KCNH1: variants seen among roughly 807,000 people sequenced by gnomAD.
KCNH1 encodes voltage-gated delayed rectifier potassium channel KCNH1.
In KCNH1, 27 loss-of-function variants were observed where a neutral mutation model predicts 69.2. The observed-to-expected ratio is 0.39, with a 90% CI of 0.29 to 0.54. The LOEUF is 0.54. KCNH1 is among the 20% of genes least tolerant of loss of function. The pLI is 0.68. For synonymous variants in KCNH1, 456 were observed against 487.7 expected, an observed-to-expected ratio of 0.93 and a Z score of 0.86; for missense variants, 798 against 1,261.6, an observed-to-expected ratio of 0.63 and a Z score of 5.57.
intron 6 of KCNH1, among the ~76,000 whole-genome samples, chr1:210,993,179 GATTA>G (rs1313387214): frequency 6.6e-6 from 1 of 152,138 alleles, no homozygotes; most frequent in Non-Finnish European, 1.5e-5. Flanking sequence ...AAGTTACTTT[GATTA>G]ATATGTAAAC....
chr1:210,812,590 C>T (rs1267799905), intron 7 of KCNH1, among the ~76,000 whole-genome samples: 2 of 152,152 alleles, frequency 1.3e-5, no homozygotes, highest in East Asian at 1.9e-4. Context: ...ATTCTTAATT[C>T]CCCATTAGTC....
At chr1:210,837,503 G>C (rs754906440) in intron 7 of KCNH1, among the ~76,000 whole-genome samples, 1 of 152,114 alleles carries the variant, frequency 6.6e-6, no homozygotes, top group Non-Finnish European at 1.5e-5. Flanking sequence ...GAAGATCCAT[G>C]ACAAAGAGAG....
chr1:210,744,273 A>G (rs1683098450), intron 10 of KCNH1, among the ~76,000 whole-genome samples: 1 of 152,178 alleles, frequency 6.6e-6, no homozygotes, highest in Non-Finnish European at 1.5e-5. Flanking sequence ...CCTCTGCAGC[A>G]TTGTAGAATT....
At chr1:210,701,086 C>T (rs1488238726) in intron 10 of KCNH1, among the ~76,000 whole-genome samples, 24 of 152,154 alleles carry the variant, frequency 1.6e-4, no homozygotes, top group East Asian at 9.7e-4. Context: ...TACAGGCGCC[C>T]GCCACCACGC....
intron 9 of KCNH1, among the ~76,000 whole-genome samples, chr1:210,794,847 C>T (rs758073636): frequency 1.1e-4 from 16 of 152,194 alleles, no homozygotes; most frequent in Admixed American, 3.3e-4. Flanking sequence ...AACATAAAAA[C>T]GTGGCTATGA....
At chr1:211,115,730 T>TATATATATATATATATATACAC (rs1159442976) in intron 1 of KCNH1, among the ~76,000 whole-genome samples, 1 of 87,022 alleles carries the variant, frequency 1.1e-5, no homozygotes, top group Non-Finnish European at 2.1e-5. Flanking sequence ...TATATATATA[T>TATATATATATATATATATACAC]ACACACACAC....
In KCNH1 at chr1:210,995,665, A is replaced by G. The variant is rs148223221; in HGVS notation, c.1032+23118T>C. Among the ~76,000 whole-genome samples, 1,506 of 152,314 alleles carry G rather than the reference A, an allele frequency of 9.9e-3. 13 individuals are homozygous for G. The highest frequency in any genetic ancestry group is 0.013 in the Non-Finnish European group (906 of 68,016). Reference sequence around the variant, plus strand: ...AGCATAGGAATATTTTTGCAGAGAAATGTATGAATATTCAGACTAAGTGAG... The same window carrying G: ...AGCATAGGAATATTTTTGCAGAGAAGTGTATGAATATTCAGACTAAGTGAG... On this transcript the variant is annotated intron_variant, in intron 6 of 10. Transcript: ENST00000271751.
intron 10 of KCNH1, among the ~76,000 whole-genome samples, chr1:210,712,710 T>C (rs1461084684): frequency 6.6e-6 from 1 of 152,190 alleles, no homozygotes; most frequent in Non-Finnish European, 1.5e-5. Context: ...GAGTTTCACC[T>C]TTGCTTGCCT....
intron 6 of KCNH1, among the ~76,000 whole-genome samples, chr1:210,920,472 A>G (rs1389206411): frequency 6.6e-6 from 1 of 152,190 alleles, no homozygotes; most frequent in African/African-American, 2.4e-5. Flanking sequence ...TTCATATTGC[A>G]TAACATTTCA....
intron 6 of KCNH1, among the ~76,000 whole-genome samples, chr1:210,983,026 A>G (rs530067401): frequency 1.8e-4 from 28 of 152,268 alleles, no homozygotes; most frequent in Non-Finnish European, 3.8e-4. Context: ...GCCAGTGATG[A>G]TGAGCATTTT....
intron 6 of KCNH1, among the ~76,000 whole-genome samples, chr1:210,922,692 A>C (rs553807412): frequency 1.3e-5 from 2 of 152,310 alleles, no homozygotes; most frequent in East Asian, 3.9e-4. Flanking sequence ...ACTAAGGTAC[A>C]AAAGACTAAT....
At chr1:210,820,727 A>G (rs1258338841) in intron 7 of KCNH1, among the ~76,000 whole-genome samples, 1 of 152,186 alleles carries the variant, frequency 6.6e-6, no homozygotes, top group Non-Finnish European at 1.5e-5. Flanking sequence ...GATCAAAAGT[A>G]ATCACAAAGA....
intron 6 of KCNH1, among the ~76,000 whole-genome samples, chr1:211,012,569 A>G (rs1157097699): frequency 6.6e-6 from 1 of 152,200 alleles, no homozygotes; most frequent in Non-Finnish European, 1.5e-5. Flanking sequence ...CTATGTTATG[A>G]CATTCTGAAA....
intron 7 of KCNH1, among the ~76,000 whole-genome samples, chr1:210,881,448 G>A (rs1470346211): frequency 6.6e-6 from 1 of 152,204 alleles, no homozygotes; most frequent in South Asian, 2.1e-4. Flanking sequence ...CACTTTGGAA[G>A]ACAGTCTGGT....
At chr1:211,098,075 T>C (rs1344631100) in intron 3 of KCNH1, among the ~76,000 whole-genome samples, 2 of 151,968 alleles carry the variant, frequency 1.3e-5, no homozygotes, top group Non-Finnish European at 2.9e-5. Context: ...AATCTCCACC[T>C]GGGAGGTAGA....
At chr1:210,693,261 C>G (rs1681562517) in intron 10 of KCNH1, among the ~76,000 whole-genome samples, 1 of 152,204 alleles carries the variant, frequency 6.6e-6, no homozygotes, top group Non-Finnish European at 1.5e-5. Flanking sequence ...CATTTATAAA[C>G]CAATGCTGCT....
Position 210,919,722 on chromosome 1 carries a change from G to A in KCNH1, c.1380C>T (p.Ser460=), listed in dbSNP as rs1261289248. ...TGTTCCCAAAGCCCACACTGGTGAGGCTGGTCATTGTGAAATACAACGAGG... is the reference window on the plus strand; with the variant it reads ...TGTTCCCAAAGCCCACACTGGTGAGACTGGTCATTGTGAAATACAACGAGG... ...YISSLYFTMT[S]LTSVGFGNIA... Residue 460 remains serine, a synonymous_variant, in exon 7 of 11, where the codon AGC becomes AGT. Coordinates refer to ENST00000271751, the MANE Select transcript of KCNH1 (RefSeq NM_172362.3). This position sits in a 1 kb window ranked among gnomAD's most constrained non-coding sequence, Gnocchi z 4.2. 2 of 1,614,148 alleles carry A rather than the reference G, an allele frequency of 1.2e-6. No homozygotes were observed. Among genetic ancestry groups the A allele is most frequent in the South Asian group, 2.2e-5 (2 of 91,092 alleles).
intron 1 of KCNH1, among the ~76,000 whole-genome samples, chr1:211,111,770 T>C (rs1366025718): frequency 9.6e-6 from 1 of 103,834 alleles, no homozygotes; most frequent in Non-Finnish European, 1.8e-5. Context: ...CTGCCCACCA[T>C]CTGGGAAGTG....
rs565255330 is a variant in KCNH1 at position 211,018,659 on chromosome 1, G to A, written c.1032+124C>T. ...GCAGGCAAGGGTATCTATCAAGCATGCTCCCTCTGTTCTGGACATCAGTCA... is the reference window on the plus strand; with the variant it reads ...GCAGGCAAGGGTATCTATCAAGCATACTCCCTCTGTTCTGGACATCAGTCA... On this transcript the variant is annotated intron_variant, in intron 6 of 10. Transcript: ENST00000271751. 8.8e-6 allele frequency: 7 copies of A among 797,494 alleles called. No homozygotes were observed. In the South Asian group the frequency reaches 1.1e-4, roughly 12 times the overall value. The allele number at this position is 797,494 out of a possible 1,614,324, so 49.4% of individuals were successfully genotyped here. A position where few individuals can be genotyped will look rare whatever the true frequency, so the allele number is the denominator to read the frequency against.
Sources: allele counts gnomAD v4.1 joint callset (sites outside exome capture counted in the v4.1 genomes callset), GRCh38; gene constraint gnomAD v4.1.1; non-coding constraint Gnocchi (gnomAD v3.1); transcripts MANE v1.5; gene names NCBI Gene and HGNC (gene_info 2026-07-23, HGNC 2026-07-21).